Variants in TIGD5 observed in about 807,000 individuals in gnomAD.
TIGD5 encodes tigger transposable element-derived protein 5.
Under a neutral mutation model 28.8 loss-of-function variants are expected in TIGD5, and 24 were observed. That is an observed-to-expected ratio of 0.83 (90% CI 0.60 to 1.17). The LOEUF is 1.17. TIGD5 is among the 50% of genes most tolerant of loss of function. The pLI is 0.00. For synonymous variants in TIGD5, 538 were observed against 430.5 expected, an observed-to-expected ratio of 1.25 and a Z score of -3.09; for missense variants, 922 against 911.4, an observed-to-expected ratio of 1.01 and a Z score of -0.15.
Position 143,597,955 on chromosome 8 carries a change from C to T in TIGD5, c.52C>T (p.Pro18Ser). ...AGPVPRRGRRPLPGPPAPAPA... is the reference protein window; with the variant it reads ...AGPVPRRGRRSLPGPPAPAPA... ...CCCGGTACCGCGCCGCGGCCGCCGTCCCCTGCCCGGGCCCCCCGCGCCCGC... is the reference window on the plus strand; with the variant it reads ...CCCGGTACCGCGCCGCGGCCGCCGTTCCCTGCCCGGGCCCCCCGCGCCCGC... The change falls in exon 1 of 1, where the codon CCC becomes TCC. Residue 18 changes from proline (P) to serine (S), a missense_variant. Pro to Ser is a moderately conservative substitution (Grantham distance 74, BLOSUM62 -1). Around this residue, in one of 3 missense-constraint regions of TIGD5, gnomAD observed 87 missense variants for 60.9 expected, o/e 1.43. Transcript: ENST00000504548. 1 of 888,708 alleles carries T rather than the reference C, an allele frequency of 1.1e-6. No homozygotes were observed. The highest frequency in any genetic ancestry group is 1.3e-6 in the Non-Finnish European group (1 of 743,976). The allele number at this position is 888,708 out of a possible 1,614,324, so 55.1% of individuals were successfully genotyped here.
In TIGD5 at chr8:143,600,766, T is replaced by G. The variant is rs1829248766; in HGVS notation, c.*934T>G. 1 of 152,392 alleles carries G rather than the reference T, an allele frequency of 6.6e-6. No homozygotes were observed. Among genetic ancestry groups the G allele is most frequent in the African/African-American group, 2.4e-5 (1 of 41,450 alleles). The allele number at this position is 152,392 out of a possible 1,614,324, so 9.4% of individuals were successfully genotyped here. ...CTGCCTCTCCTGGGACTGCCAAGGA[T>G]GTGGCTGACAAGCTGCTCCTGGGAG... On this transcript the variant is annotated 3_prime_UTR_variant, in exon 1 of 1. Coordinates refer to ENST00000504548, the MANE Select transcript of TIGD5 (RefSeq NM_032862.5).
In TIGD5 at chr8:143,598,389, G is replaced by A; in HGVS notation, c.486G>A (p.Glu162=). Residue 162 remains glutamate, a synonymous_variant, in exon 1 of 1, where the codon GAG becomes GAA. Transcript: ENST00000504548. The surrounding 1 kb of genome is among the most constrained non-coding windows in gnomAD (Gnocchi z 6.6). The part of the protein sequence containing the change: ...EAFARQIYGP[E]CTFKASHGWF... ...TCGCGCGCCAGATCTACGGGCCCGA[G>A]TGCACCTTCAAGGCCAGCCACGGCT... is the stretch of plus-strand genomic sequence containing the variant. The A allele has an allele frequency of 6.4e-7, 1 of 1,555,458 alleles. No homozygotes were observed. The highest frequency in any genetic ancestry group is 8.7e-7 in the Non-Finnish European group (1 of 1,155,270).
At position 143,599,433 on chromosome 8, in the gene TIGD5, C is replaced by A. The variant is rs1435772458; in HGVS notation, c.1530C>A (p.Leu510=). The change falls in exon 1 of 1, where the codon CTC becomes CTA. Residue 510 remains leucine, a synonymous_variant. Coordinates refer to ENST00000504548, the MANE Select transcript of TIGD5 (RefSeq NM_032862.5). The stretch of plus-strand genomic sequence containing the variant: ...AAGCCGCCGAGCACAGCAGGGTGCT[C>A]AGCGACCTCACCCACCTGGCGGCTC... ...AEEAAEHSRV[L]SDLTHLAALA... 14 of 1,574,142 alleles carry A rather than the reference C, an allele frequency of 8.9e-6. No homozygotes were observed. Among genetic ancestry groups the A allele is most frequent in the Non-Finnish European group, 1.2e-5 (14 of 1,160,526 alleles).
rs892915987 is a variant in TIGD5, at chr8:143,598,003, CGGCCGCCGCCCCCCGCGCCCG to C, written c.107_127del (p.Pro36_Pro42del). 1.6e-6 allele frequency: 2 copies of C among 1,258,788 alleles called. No individual in the cohort carries two copies. The highest frequency in any genetic ancestry group is 1.6e-5 in the African/African-American group (1 of 63,000). The allele number at this position is 1,258,788 out of a possible 1,614,324, so 78.0% of individuals were successfully genotyped here. A position where few individuals can be genotyped will look rare whatever the true frequency, so the allele number is the denominator to read the frequency against. ...CGCCCCAGCCCCCGTCCCCGCTGCA[CGGCCGCCGCCCCCCGCGCCCG>C]GGCCGCGGCCCCGCGTGGCCGTGAA... is the stretch of plus-strand genomic sequence containing the variant. On this transcript the variant is annotated inframe_deletion, in exon 1 of 1. Coordinates refer to ENST00000504548, the MANE Select transcript of TIGD5 (RefSeq NM_032862.5). The surrounding 1 kb of genome is among the most constrained non-coding windows in gnomAD (Gnocchi z 6.6).
Position 143,598,632 on chromosome 8 carries a change from C to T in TIGD5, c.729C>T (p.Gly243=). 6 of 1,486,102 alleles carry T rather than the reference C, an allele frequency of 4.0e-6. No homozygotes were observed. The highest frequency in any genetic ancestry group is 4.4e-6 in the Non-Finnish European group (5 of 1,129,474). The allele number at this position is 1,486,102 out of a possible 1,614,324, so 92.1% of individuals were successfully genotyped here. Residue 243 remains glycine (G), a synonymous_variant, in exon 1 of 1, where the codon GGC becomes GGT. Coordinates refer to ENST00000504548, the MANE Select transcript of TIGD5 (RefSeq NM_032862.5). This position sits in a 1 kb window ranked among gnomAD's most constrained non-coding sequence, Gnocchi z 6.6. ...DEQIYSASVT[G]LYWKLLPEQA... ...AGATTTACAGCGCCAGCGTCACCGG[C>T]CTCTACTGGAAGCTGCTTCCGGAGC...
chr8:143,599,531 A>G lies in TIGD5; in HGVS notation c.1628A>G (p.Glu543Gly), dbSNP rs1180838622. Reference sequence around the variant, plus strand: ...CTGGACGATGATGGGGGTCCGCCCGAGGGCTGCAGGGAGGAGGTGGGCCCA... The same window carrying G: ...CTGGACGATGATGGGGGTCCGCCCGGGGGCTGCAGGGAGGAGGTGGGCCCA... ...LHLDDDGGPP[E>G]GCREEVGPAL... is the part of the protein sequence containing the mutation. Residue 543 changes from glutamate (E) to glycine (G), a missense_variant, in exon 1 of 1, where the codon GAG (glutamate) becomes GGG (glycine). By Grantham distance (98) the Glu-to-Gly change is moderately conservative (BLOSUM62 -2). Transcript: ENST00000504548. 11 of 1,580,418 alleles carry G rather than the reference A, an allele frequency of 7.0e-6. No homozygotes were observed. The Admixed American group carries it at 2.0e-4, about 29-fold the overall frequency.
rs1829105315 is a variant in TIGD5 at position 143,597,839 on chromosome 8, C to G, written c.-65C>G. On this transcript the variant is annotated 5_prime_UTR_variant, in exon 1 of 1. Coordinates refer to ENST00000504548, the MANE Select transcript of TIGD5 (RefSeq NM_032862.5). ...CGTGCGGCCCCGCCCCCGAGTGCCC[C>G]GCCCCGAGCGGCTGGGCGTGTGGCT... 1 of 359,062 alleles carries G rather than the reference C, an allele frequency of 2.8e-6. No homozygotes were observed. Among genetic ancestry groups the G allele is most frequent in the Admixed American group, 6.6e-5 (1 of 15,072 alleles). 22.2% of individuals were successfully genotyped at this position (359,062 alleles called of 1,614,324 possible).
chr8:143,599,412 C>T lies in TIGD5; in HGVS notation c.1509C>T (p.Ala503=). ...SAGQPAQAEE[A]AEHSRVLSDL... is the part of the protein sequence containing the mutation. ...GGCAGCCGGCCCAGGCCGAGGAAGCCGCCGAGCACAGCAGGGTGCTCAGCG... is the reference window on the plus strand; with the variant it reads ...GGCAGCCGGCCCAGGCCGAGGAAGCTGCCGAGCACAGCAGGGTGCTCAGCG... The change falls in exon 1 of 1, where the codon GCC becomes GCT. Residue 503 remains alanine, a synonymous_variant. Transcript: ENST00000504548. 2 of 1,567,406 alleles carry T rather than the reference C, an allele frequency of 1.3e-6. No homozygotes were observed. The highest frequency in any genetic ancestry group is 1.7e-6 in the Non-Finnish European group (2 of 1,156,894).
Position 143,598,614 on chromosome 8 carries a change from C to T in TIGD5, c.711C>T (p.Tyr237=), listed in dbSNP as rs1384326259. 2.8e-6 allele frequency: 4 copies of T among 1,419,604 alleles called. No individual in the cohort carries two copies. The highest frequency in any genetic ancestry group is 3.7e-6 in the Non-Finnish European group (4 of 1,095,086). 87.9% of individuals were successfully genotyped at this position (1,419,604 alleles called of 1,614,324 possible). Residue 237 remains tyrosine (Y), a synonymous_variant, in exon 1 of 1, where the codon TAC becomes TAT. Coordinates refer to ENST00000504548, the MANE Select transcript of TIGD5 (RefSeq NM_032862.5). The surrounding 1 kb of genome is among the most constrained non-coding windows in gnomAD (Gnocchi z 6.6). ...AEGGYGDEQI[Y]SASVTGLYWK... is the part of the protein sequence containing the mutation. Reference sequence around the variant, plus strand: ...GCGGCTACGGGGACGAGCAGATTTACAGCGCCAGCGTCACCGGCCTCTACT... The same window carrying T: ...GCGGCTACGGGGACGAGCAGATTTATAGCGCCAGCGTCACCGGCCTCTACT...
Position 143,598,498 on chromosome 8 carries a change from C to G in TIGD5, c.595C>G (p.Pro199Ala). 5.1e-6 allele frequency: 7 copies of G among 1,369,834 alleles called. No individual in the cohort carries two copies. Among genetic ancestry groups the G allele is most frequent in the Non-Finnish European group, 6.6e-6 (7 of 1,067,486 alleles). 84.9% of individuals were successfully genotyped at this position (1,369,834 alleles called of 1,614,324 possible). A position where few individuals can be genotyped will look rare whatever the true frequency, so the allele number is the denominator to read the frequency against. ...CGGGCCCCCAGCCCCGAGCCCCGCGCCCGGCCCGCCCGTCAAGGAGGAGCC... is the reference window on the plus strand; with the variant it reads ...CGGGCCCCCAGCCCCGAGCCCCGCGGCCGGCCCGCCCGTCAAGGAGGAGCC... ...EAGPPAPSPA[P>A]GPPVKEEPAL... The change falls in exon 1 of 1, where the codon CCC (proline) becomes GCC (alanine). Residue 199 changes from proline (P) to alanine (A), a missense_variant. Transcript: ENST00000504548. The surrounding 1 kb of genome is among the most constrained non-coding windows in gnomAD (Gnocchi z 6.6).
Position 143,598,304 on chromosome 8 carries a change from C to T in TIGD5, c.401C>T (p.Ala134Val). ...CGCGCCGTGTACGCCTGGTTCCTGG[C>T]GCTGCGCCAGCACGGGGTGCCGCTG... Reference protein sequence around the residue: ...IDRAVYAWFLALRQHGVPLSG... With the variant: ...IDRAVYAWFLVLRQHGVPLSG... Residue 134 changes from alanine to valine, a missense_variant, in exon 1 of 1, where the codon GCG becomes GTG. Physicochemically the swap from Ala to Val is moderately conservative, Grantham distance 64. Transcript: ENST00000504548. The surrounding 1 kb of genome is among the most constrained non-coding windows in gnomAD (Gnocchi z 6.6). 1.9e-6 allele frequency: 3 copies of T among 1,609,190 alleles called. No homozygotes were observed. Among genetic ancestry groups the T allele is most frequent in the Non-Finnish European group, 2.5e-6 (3 of 1,178,556 alleles).
rs1829239527 is a variant in TIGD5, at chr8:143,600,256, G to A, written c.*424G>A. ...GGAGCCACAGCACAATCATCTCAGT[G>A]GCGAAGCACACCACTTGATTCTATT... is the stretch of plus-strand genomic sequence containing the variant. On this transcript the variant is annotated 3_prime_UTR_variant, in exon 1 of 1. Transcript: ENST00000504548. The A allele has an allele frequency of 5.0e-6, 1 of 199,652 alleles. No individual in the cohort carries two copies. The highest frequency in any genetic ancestry group is 1.0e-5 in the Non-Finnish European group (1 of 99,808). 12.4% of individuals were successfully genotyped at this position (199,652 alleles called of 1,614,324 possible).
In TIGD5 at chr8:143,600,102, G is replaced by T. The variant is rs1348879495; in HGVS notation, c.*270G>T. 1.0e-5 allele frequency: 4 copies of T among 383,202 alleles called. No individual in the cohort carries two copies. In the Admixed American group the frequency reaches 1.3e-4, roughly 12 times the overall value. The allele number at this position is 383,202 out of a possible 1,614,324, so 23.7% of individuals were successfully genotyped here. A position where few individuals can be genotyped will look rare whatever the true frequency, so the allele number is the denominator to read the frequency against. On this transcript the variant is annotated 3_prime_UTR_variant, in exon 1 of 1. Coordinates refer to ENST00000504548, the MANE Select transcript of TIGD5 (RefSeq NM_032862.5). ...ACGGGGCATACAAGGCACAGCGCCTGTTGGAACAGGTGGCTGTGTTCCTGC... is the reference window on the plus strand; with the variant it reads ...ACGGGGCATACAAGGCACAGCGCCTTTTGGAACAGGTGGCTGTGTTCCTGC...
rs1010759583 is a variant in TIGD5 at position 143,601,832 on chromosome 8, C to G, written c.*2000C>G. 6.6e-6 allele frequency: 1 copy of G among 152,380 alleles called. No individual in the cohort carries two copies. The highest frequency in any genetic ancestry group is 2.1e-4 in the South Asian group (1 of 4,840). The allele number at this position is 152,380 out of a possible 1,614,324, so 9.4% of individuals were successfully genotyped here. ...AAAAGAGGCCAGGCACGTTGGCTCA[C>G]ACCTGTCATCCCAGCACTTTGGGAG... On this transcript the variant is annotated 3_prime_UTR_variant, in exon 1 of 1. Transcript: ENST00000504548.
In TIGD5 at chr8:143,598,538, G is replaced by T; in HGVS notation, c.635G>T (p.Gly212Val). The T allele has an allele frequency of 7.6e-7, 1 of 1,308,018 alleles. No individual in the cohort carries two copies. The highest frequency in any genetic ancestry group is 9.7e-7 in the Non-Finnish European group (1 of 1,034,364). 81.0% of individuals were successfully genotyped at this position (1,308,018 alleles called of 1,614,324 possible). Residue 212 changes from glycine (G) to valine (V), a missense_variant, in exon 1 of 1, where the codon GGC becomes GTC. By Grantham distance (109) the Gly-to-Val change is moderately radical (BLOSUM62 -3). This residue lies in a region of TIGD5 where 821 missense variants were observed against 815.2 expected (regional missense o/e 1.01). Coordinates refer to ENST00000504548, the MANE Select transcript of TIGD5 (RefSeq NM_032862.5). The surrounding 1 kb of genome is among the most constrained non-coding windows in gnomAD (Gnocchi z 6.6). ...AAGGAGGAGCCCGCGCTGCCCTCCGGCGCCGGCCCCCTGCCCGACCGCGCC... is the reference window on the plus strand; with the variant it reads ...AAGGAGGAGCCCGCGCTGCCCTCCGTCGCCGGCCCCCTGCCCGACCGCGCC... Reference protein sequence around the residue: ...PVKEEPALPSGAGPLPDRAPA... With the variant: ...PVKEEPALPSVAGPLPDRAPA...
chr8:143,603,102 G>A lies in TIGD5; in HGVS notation c.*3270G>A, dbSNP rs4874168. Reference sequence around the variant, plus strand: ...AGCATGTCGGAGTCCCTAGGCTTGTGGGGTCATGCTCTGTTGAGGGCCCTT... The same window carrying A: ...AGCATGTCGGAGTCCCTAGGCTTGTAGGGTCATGCTCTGTTGAGGGCCCTT... On this transcript the variant is annotated 3_prime_UTR_variant, in exon 1 of 1. Transcript: ENST00000504548. 0.17 allele frequency: 26,464 copies of A among 152,184 alleles called. 2,472 individuals are homozygous for A. Among genetic ancestry groups the A allele is most frequent in the East Asian group, 0.36 (1,857 of 5,166 alleles). 9.4% of individuals were successfully genotyped at this position (152,184 alleles called of 1,614,324 possible).
In TIGD5 at chr8:143,598,349, C is replaced by A; in HGVS notation, c.446C>A (p.Ala149Glu). Residue 149 changes from alanine to glutamate, a missense_variant, in exon 1 of 1, where the codon GCG becomes GAG. By Grantham distance (107) the Ala-to-Glu change is moderately radical. This residue lies in a region of TIGD5 where 821 missense variants were observed against 815.2 expected (regional missense o/e 1.01). Transcript: ENST00000504548. The surrounding 1 kb of genome is among the most constrained non-coding windows in gnomAD (Gnocchi z 6.6). The part of the protein sequence containing the change: ...GVPLSGPLIQ[A>E]QAEAFARQIY... ...CCGCTGTCTGGCCCGCTCATCCAGG[C>A]GCAGGCCGAGGCCTTCGCGCGCCAG... The A allele has an allele frequency of 6.3e-7, 1 of 1,599,404 alleles. No homozygotes were observed. The highest frequency in any genetic ancestry group is 1.1e-5 in the South Asian group (1 of 89,644).
chr8:143,598,423 C>G lies in TIGD5; in HGVS notation c.520C>G (p.Arg174Gly). 1 of 1,506,260 alleles carries G rather than the reference C, an allele frequency of 6.6e-7. No homozygotes were observed. Among genetic ancestry groups the G allele is most frequent in the Non-Finnish European group, 8.8e-7 (1 of 1,130,558 alleles). The allele number at this position is 1,506,260 out of a possible 1,614,324, so 93.3% of individuals were successfully genotyped here. The stretch of plus-strand genomic sequence containing the variant: ...CAAGGCCAGCCACGGCTGGTTCTGG[C>G]GCTGGCAGAAGCGCCACGGCATCTC... The part of the protein sequence containing the change: ...TFKASHGWFW[R>G]WQKRHGISSQ... The change falls in exon 1 of 1, where the codon CGC (arginine) becomes GGC (glycine). Residue 174 changes from arginine (R) to glycine (G), a missense_variant. Physicochemically the swap from Arg to Gly is moderately radical, Grantham distance 125. Transcript: ENST00000504548. The surrounding 1 kb of genome is among the most constrained non-coding windows in gnomAD (Gnocchi z 6.6).
rs1170018494 is a variant in TIGD5, at chr8:143,599,990, G to A, written c.*158G>A. On this transcript the variant is annotated 3_prime_UTR_variant, in exon 1 of 1. Coordinates refer to ENST00000504548, the MANE Select transcript of TIGD5 (RefSeq NM_032862.5). Reference sequence around the variant, plus strand: ...AGCATGGCTTGGAGGAGCTCTGTTGGTGAGAGGTCGCCCTGCCTCACTGGC... The same window carrying A: ...AGCATGGCTTGGAGGAGCTCTGTTGATGAGAGGTCGCCCTGCCTCACTGGC... 3 of 823,750 alleles carry A rather than the reference G, an allele frequency of 3.6e-6. No individual in the cohort carries two copies. Among genetic ancestry groups the A allele is most frequent in the East Asian group, 3.2e-5 (1 of 30,934 alleles). 51.0% of individuals were successfully genotyped at this position (823,750 alleles called of 1,614,324 possible).
Sources: allele counts gnomAD v4.1 joint callset, GRCh38; gene constraint gnomAD v4.1.1; regional missense constraint gnomAD v4.1.1; non-coding constraint Gnocchi (gnomAD v3.1); transcripts MANE v1.5; gene names NCBI Gene and HGNC (gene_info 2026-07-23, HGNC 2026-07-21).